Variants in CNTN5 observed in about 807,000 individuals in gnomAD.
CNTN5 encodes the protein contactin-5.
In CNTN5, 77 loss-of-function variants were observed where a neutral mutation model predicts 129.1. The observed-to-expected ratio is 0.60, with a 90% CI of 0.50 to 0.72. The LOEUF is 0.72. CNTN5 is among the 30% of genes least tolerant of loss of function. CNTN5 has a pLI of 0.00. For missense variants in CNTN5, 1,478 were observed against 1,328.8 expected, an observed-to-expected ratio of 1.11 and a Z score of -1.75; for synonymous variants, 509 against 465.6, an observed-to-expected ratio of 1.09 and a Z score of -1.20.
Position 100,356,616 on chromosome 11 carries a change from A to G in CNTN5, c.*396A>G, listed in dbSNP as rs563778. 0.37 allele frequency: 62,683 copies of G among 169,162 alleles called. 11,994 individuals carry two copies. The highest frequency in any genetic ancestry group is 0.55 in the East Asian group (3,297 of 5,964). 10.5% of individuals were successfully genotyped at this position (169,162 alleles called of 1,614,324 possible). On this transcript the variant is annotated 3_prime_UTR_variant, in exon 25 of 25. Coordinates refer to ENST00000524871, the MANE Select transcript of CNTN5 (RefSeq NM_014361.4). The stretch of plus-strand genomic sequence containing the variant: ...ATCTGTTTCAAAAACAAATACAAAA[A>G]TGAGAATGAAAAGTTTGCTTAAGAC...
At chr11:99,711,102 G>A (rs985759838) in intron 3 of CNTN5, among the ~76,000 whole-genome samples, 4 of 151,816 alleles carry the variant, frequency 2.6e-5, no homozygotes, top group African/African-American at 9.7e-5. Flanking sequence ...TTTCCCGACA[G>A]AATCGTTTCA....
At chr11:100,115,956 A>G (rs2138139971) in intron 13 of CNTN5, among the ~76,000 whole-genome samples, 1 of 152,120 alleles carries the variant, frequency 6.6e-6, no homozygotes, top group Non-Finnish European at 1.5e-5. Flanking sequence ...AATTCAGGCC[A>G]ATGACCACAA....
At chr11:99,951,167 T>C (rs1950664584) in intron 7 of CNTN5, among the ~76,000 whole-genome samples, 1 of 152,058 alleles carries the variant, frequency 6.6e-6, no homozygotes, top group South Asian at 2.1e-4. Flanking sequence ...ATGCCTGGTC[T>C]CTGTGATTTT....
intron 6 of CNTN5, among the ~76,000 whole-genome samples, chr11:99,856,516 G>T (rs1418508060): frequency 6.6e-6 from 1 of 152,196 alleles, no homozygotes; most frequent in Admixed American, 6.5e-5. Context: ...GATGTGATCA[G>T]AGTAACTTCT....
At chr11:99,568,726 C>T (rs541031352) in intron 3 of CNTN5, among the ~76,000 whole-genome samples, 39 of 152,202 alleles carry the variant, frequency 2.6e-4, no homozygotes, top group African/African-American at 6.3e-4. Context: ...ATATGTAAAA[C>T]GAACCATGTA....
chr11:99,674,705 A>C (rs1206891132), intron 3 of CNTN5, among the ~76,000 whole-genome samples: 2 of 152,120 alleles, frequency 1.3e-5, no homozygotes. Flanking sequence ...GCTTTTCTAA[A>C]ATAACCCCAC....
chr11:99,236,238 C>T (rs1297345970), intron 1 of CNTN5, among the ~76,000 whole-genome samples: 2 of 152,034 alleles, frequency 1.3e-5, no homozygotes, highest in Non-Finnish European at 2.9e-5. Context: ...ATGGGGGATA[C>T]TGGAACTTTT....
At chr11:99,896,163 G>C (rs1346710468) in intron 6 of CNTN5, among the ~76,000 whole-genome samples, 1 of 152,182 alleles carries the variant, frequency 6.6e-6, no homozygotes. Context: ...TGGACCTCCA[G>C]TATGGATGTC....
At chr11:99,520,262 A>C (rs2135436399) in intron 2 of CNTN5, among the ~76,000 whole-genome samples, 1 of 152,266 alleles carries the variant, frequency 6.6e-6, no homozygotes, top group South Asian at 2.1e-4. Context: ...GAAAACATCT[A>C]ACCTGGCTGT....
At position 100,341,270 on chromosome 11, in the gene CNTN5, A is replaced by T. The variant is rs1279164435; in HGVS notation, c.3030+65A>T. On this transcript the variant is annotated intron_variant, in intron 23 of 24. Transcript: ENST00000524871. ...CGAAATTGTTATTATGAAGATGGAA[A>T]ATTAATAAGGCATAAAAAGACCCAT... is the stretch of plus-strand genomic sequence containing the variant. 4.1e-6 allele frequency: 5 copies of T among 1,208,210 alleles called. No homozygotes were observed. The Admixed American group carries it at 8.7e-5, about 21-fold the overall frequency. 74.8% of individuals were successfully genotyped at this position (1,208,210 alleles called of 1,614,324 possible).
chr11:99,928,071 G>A (rs1302404135), intron 7 of CNTN5, among the ~76,000 whole-genome samples: 6 of 152,162 alleles, frequency 3.9e-5, no homozygotes, highest in Admixed American at 3.3e-4. Flanking sequence ...TAAATCCAGT[G>A]GGACAGTCAA....
intron 2 of CNTN5, among the ~76,000 whole-genome samples, chr11:99,398,017 C>A: frequency 6.6e-6 from 1 of 151,758 alleles, no homozygotes; most frequent in African/African-American, 2.4e-5. Context: ...ATACTGATGT[C>A]TCCCAGTCTA....
At chr11:99,809,337 G>A (rs1946363302) in intron 3 of CNTN5, among the ~76,000 whole-genome samples, 1 of 151,964 alleles carries the variant, frequency 6.6e-6, no homozygotes, top group East Asian at 1.9e-4. Flanking sequence ...ATCTCCTTGA[G>A]GTTTATTTTT....
At chr11:99,614,014 T>A (rs1332917640) in intron 3 of CNTN5, among the ~76,000 whole-genome samples, 9 of 152,212 alleles carry the variant, frequency 5.9e-5, no homozygotes, top group African/African-American at 2.2e-4. Context: ...GTTATAGCTA[T>A]ATAGCATGTG....
chr11:100,220,636 T>A (rs1949244411), intron 15 of CNTN5, among the ~76,000 whole-genome samples: 1 of 152,170 alleles, frequency 6.6e-6, no homozygotes, highest in African/African-American at 2.4e-5. Context: ...TATAGTGCCC[T>A]TCAACAGATA....
At chr11:99,624,217 T>A (rs186916147) in intron 3 of CNTN5, among the ~76,000 whole-genome samples, 218 of 152,126 alleles carry the variant, frequency 1.4e-3, no homozygotes, top group Non-Finnish European at 2.5e-3. Flanking sequence ...CTTCTGTGTA[T>A]GCATTGCCTA....
Position 100,022,658 on chromosome 11 carries a change from T to C in CNTN5, c.980+20522T>C, listed in dbSNP as rs1038809474. 1.1e-4 allele frequency among the ~76,000 whole-genome samples: 16 copies of C among 152,324 alleles called. No individual in the cohort carries two copies. In the East Asian group the frequency reaches 3.1e-3, roughly 29 times the overall value. On this transcript the variant is annotated intron_variant, in intron 9 of 24. Coordinates refer to ENST00000524871, the MANE Select transcript of CNTN5 (RefSeq NM_014361.4). ...CTTTGTTTAGATAACTGGTTTAATCTGGCGTTATTTTCTTTCGGCCTGTTC... is the reference window on the plus strand; with the variant it reads ...CTTTGTTTAGATAACTGGTTTAATCCGGCGTTATTTTCTTTCGGCCTGTTC...
chr11:100,165,677 TGAGAGCGGGAGAGTGAA>T (rs1947609314), intron 13 of CNTN5, among the ~76,000 whole-genome samples: 1 of 151,722 alleles, frequency 6.6e-6, no homozygotes, highest in African/African-American at 2.4e-5. Context: ...TAATTACTAC[TGAGAGCGGGAGAGTGAA>T]TGAATAAGGT....
At chr11:100,104,035 C>T (rs990909483) in intron 13 of CNTN5, among the ~76,000 whole-genome samples, 4 of 151,322 alleles carry the variant, frequency 2.6e-5, no homozygotes, top group African/African-American at 9.7e-5. Context: ...ATCTGCTTCT[C>T]ACATATTATT....
Sources: allele counts gnomAD v4.1 joint callset (sites outside exome capture counted in the v4.1 genomes callset), GRCh38; gene constraint gnomAD v4.1.1; transcripts MANE v1.5; gene names NCBI Gene and HGNC (gene_info 2026-07-23, HGNC 2026-07-21).